Variants in CNBD1 observed in about 807,000 individuals in gnomAD.
The protein encoded by CNBD1 is cyclic nucleotide-binding domain-containing protein 1.
CNBD1 carries 71 observed loss-of-function variants against 54.4 expected under a neutral mutation model. The ratio of observed to expected loss-of-function variants is 1.30; its 90% confidence interval spans 1.08 to 1.59. The LOEUF (loss-of-function observed/expected upper bound fraction) is 1.59, where lower values mean the gene tolerates loss of function less well. CNBD1 is among the 40% of genes most tolerant of loss of function. The probability of loss-of-function intolerance (pLI) is 0.00; values close to 1 mark genes in which losing one functional copy is unlikely to be tolerated. For missense variants in CNBD1, 659 were observed against 518.0 expected (o/e 1.27, Z -2.64); for synonymous variants, 182 against 170.7 (o/e 1.07, Z -0.51).
At chr8:87,243,961 T>C (rs1807752492) in intron 6 of CNBD1, among the ~76,000 whole-genome samples, 1 of 152,056 alleles carries the variant, frequency 6.6e-6, no homozygotes, top group Non-Finnish European at 1.5e-5. Context: ...TTTGTATAAA[T>C]TTATGGGGAA....
At chr8:86,993,488 G>T (rs191336296) in intron 4 of CNBD1, among the ~76,000 whole-genome samples, 6 of 152,064 alleles carry the variant, frequency 3.9e-5, no homozygotes, top group African/African-American at 1.2e-4. Context: ...AAGAACAATC[G>T]CTGGGCAGCT....
chr8:86,925,482 A>AGAGTGTGC (rs1224095733), intron 3 of CNBD1, among the ~76,000 whole-genome samples: 1 of 141,730 alleles, frequency 7.1e-6, no homozygotes, highest in African/African-American at 2.7e-5. Context: ...CTTACCAAAA[A>AGAGTGTGC]GTGTGTGTGT....
At chr8:86,972,003 A>G (rs1651681709) in intron 4 of CNBD1, among the ~76,000 whole-genome samples, 1 of 151,804 alleles carries the variant, frequency 6.6e-6, no homozygotes, top group South Asian at 2.1e-4. Context: ...CCCAGGCTGG[A>G]GTGCAGTGGC....
chr8:87,258,294 A>T (rs1808060531), intron 6 of CNBD1, among the ~76,000 whole-genome samples: 1 of 151,620 alleles, frequency 6.6e-6, no homozygotes, highest in Non-Finnish European at 1.5e-5. Flanking sequence ...AAATTTTTTA[A>T]AAGGCAAAAA....
chr8:87,088,407 T>C (rs1269247938), intron 4 of CNBD1, among the ~76,000 whole-genome samples: 1 of 152,200 alleles, frequency 6.6e-6, no homozygotes, highest in Non-Finnish European at 1.5e-5. Flanking sequence ...GTGTGACATA[T>C]ATGTCTTTCA....
chr8:86,877,409 T>A (rs1808537219), intron 1 of CNBD1, among the ~76,000 whole-genome samples: 1 of 152,174 alleles, frequency 6.6e-6, no homozygotes, highest in South Asian at 2.1e-4. Context: ...AGGCGAAATT[T>A]GATATCCAAA....
chr8:86,983,284 C>T (rs186991464), intron 4 of CNBD1, among the ~76,000 whole-genome samples: 99 of 152,296 alleles, frequency 6.5e-4, no homozygotes, highest in African/African-American at 2.3e-3. Context: ...TGCCTTTCAC[C>T]TTCTGCCATG....
intron 4 of CNBD1, among the ~76,000 whole-genome samples, chr8:87,016,104 T>G (rs1426681958): frequency 6.6e-6 from 1 of 151,772 alleles, no homozygotes; most frequent in Non-Finnish European, 1.5e-5. Flanking sequence ...ATCAAATAAC[T>G]TAAAAATGTA....
At chr8:86,991,687 T>G (rs1164907965) in intron 4 of CNBD1, among the ~76,000 whole-genome samples, 1 of 137,214 alleles carries the variant, frequency 7.3e-6, no homozygotes. Flanking sequence ...TTACTTGAGC[T>G]GTGTCCCAAA....
rs146867221 is a variant in CNBD1 at position 87,052,092 on chromosome 8, G to A, written c.431+112338G>A. ...ACCACACTGGTAACAATTTGCAGGC[G>A]TACCCTGGGGATCCTGGAGTTTATA... is the stretch of plus-strand genomic sequence containing the variant. On this transcript the variant is annotated intron_variant, in intron 4 of 10. Coordinates refer to ENST00000518476, the MANE Select transcript of CNBD1 (RefSeq NM_173538.3). Among the ~76,000 whole-genome samples, 385 of 152,250 alleles carry A rather than the reference G, an allele frequency of 2.5e-3. 1 individual carries two copies. Among genetic ancestry groups the A allele is most frequent in the South Asian group, 4.6e-3 (22 of 4,828 alleles).
chr8:87,275,156 A>G (rs1291128694), intron 6 of CNBD1, among the ~76,000 whole-genome samples: 2 of 141,156 alleles, frequency 1.4e-5, no homozygotes, highest in Admixed American at 1.4e-4. Context: ...TACCAGTACC[A>G]TGCTGTTTTG....
At chr8:87,336,628 A>C (rs572871173) in intron 8 of CNBD1, among the ~76,000 whole-genome samples, 24 of 152,184 alleles carry the variant, frequency 1.6e-4, no homozygotes, top group Non-Finnish European at 3.2e-4. Flanking sequence ...GCTTTTTTGC[A>C]TAGGTTTAGA....
chr8:87,363,529 T>A (rs1395419761), intron 10 of CNBD1, among the ~76,000 whole-genome samples: 1 of 152,172 alleles, frequency 6.6e-6, no homozygotes, highest in Non-Finnish European at 1.5e-5. Flanking sequence ...GTTTCCTAAC[T>A]TTTTAATGAT....
intron 4 of CNBD1, among the ~76,000 whole-genome samples, chr8:86,973,395 A>G (rs1286798915): frequency 6.6e-6 from 1 of 152,206 alleles, no homozygotes; most frequent in Non-Finnish European, 1.5e-5. Flanking sequence ...TTTTATTTGC[A>G]TGATCAAAAG....
Position 86,951,191 on chromosome 8 carries a change from G to A in CNBD1, c.431+11437G>A, listed in dbSNP as rs144786003. On this transcript the variant is annotated intron_variant, in intron 4 of 10. Transcript: ENST00000518476. The stretch of plus-strand genomic sequence containing the variant: ...AGCTAAAAGAAAAATTATTAAATTC[G>A]TAGTTATTTACAATGATTTTCTTAA... 3.9e-3 allele frequency among the ~76,000 whole-genome samples: 592 copies of A among 152,136 alleles called. 2 individuals are homozygous for A. The highest frequency in any genetic ancestry group is 0.013 in the African/African-American group (534 of 41,496).
chr8:87,029,442 A>G (rs1809730567), intron 4 of CNBD1, among the ~76,000 whole-genome samples: 1 of 152,214 alleles, frequency 6.6e-6, no homozygotes, highest in South Asian at 2.1e-4. Flanking sequence ...GGTGGTTATC[A>G]TTTTGTGTAG....
intron 4 of CNBD1, among the ~76,000 whole-genome samples, chr8:87,181,023 T>C (rs1017856401): frequency 2.6e-5 from 4 of 152,158 alleles, no homozygotes; most frequent in African/African-American, 9.7e-5. Context: ...AATCTGTCTA[T>C]GCTCTTCTAT....
intron 4 of CNBD1, among the ~76,000 whole-genome samples, chr8:87,046,346 C>T (rs1409954371): frequency 6.6e-6 from 1 of 152,196 alleles, no homozygotes; most frequent in Non-Finnish European, 1.5e-5. Context: ...TCCTCTCTCT[C>T]AGTTAGATCT....
chr8:87,085,832 C>T (rs1811084780), intron 4 of CNBD1, among the ~76,000 whole-genome samples: 1 of 152,076 alleles, frequency 6.6e-6, no homozygotes, highest in Non-Finnish European at 1.5e-5. Context: ...TAGGCAGGTC[C>T]CTGGGCTTCA....
Sources: allele counts gnomAD v4.1 joint callset (sites outside exome capture counted in the v4.1 genomes callset), GRCh38; gene constraint gnomAD v4.1.1; transcripts MANE v1.5; gene names NCBI Gene and HGNC (gene_info 2026-07-23, HGNC 2026-07-21).